The following CSMD2 variants were observed in gnomAD, a reference collection of about 807,000 sequenced individuals.
CSMD2 encodes CUB and Sushi multiple domains 2.
Under a neutral mutation model 398.5 loss-of-function variants are expected in CSMD2, and 130 were observed. That is an observed-to-expected ratio of 0.33 (90% CI 0.28 to 0.38). CSMD2 has a LOEUF of 0.38. CSMD2 is among the 10% of genes least tolerant of loss of function. The pLI is 1.00. For missense variants in CSMD2, 3,829 were observed against 4,764.9 expected (o/e 0.80, Z 5.78); for synonymous variants, 1,828 against 1,908.5 (o/e 0.96, Z 1.10).
intron 49 of CSMD2, among the ~76,000 whole-genome samples, chr1:33,575,885 C>A (rs1410577332): frequency 1.3e-5 from 2 of 152,266 alleles, no homozygotes; most frequent in South Asian, 4.1e-4. Flanking sequence ...TGAGAGATGT[C>A]ATTAAAAAGT....
intron 9 of CSMD2, among the ~76,000 whole-genome samples, chr1:33,817,447 A>G (rs554947157): frequency 1.4e-4 from 21 of 152,208 alleles, no homozygotes; most frequent in Non-Finnish European, 3.1e-4. Context: ...GCTAAAAAAG[A>G]TGAAGGAACC....
At position 33,559,417 on chromosome 1, in the gene CSMD2, A is replaced by T; in HGVS notation, c.8437T>A (p.Phe2813Ile). 6.5e-7 allele frequency: 1 copy of T among 1,536,152 alleles called. No homozygotes were observed. Among genetic ancestry groups the T allele is most frequent in the Non-Finnish European group, 8.7e-7 (1 of 1,146,888 alleles). Residue 2813 changes from phenylalanine (F) to isoleucine (I), a missense_variant, in exon 54 of 71, where the codon TTT (phenylalanine) becomes ATT (isoleucine). By Grantham distance (21) the Phe-to-Ile change is conservative. This residue lies in a region of CSMD2 where 917 missense variants were observed against 1,199.5 expected (regional missense o/e 0.76). Transcript: ENST00000373381. The surrounding 1 kb of genome is among the most constrained non-coding windows in gnomAD (Gnocchi z 4.0). ...PVNGLTQGNQ[F>I]NLNDVVKFVC... ...AACTTGACCACATCGTTGAGGTTAA[A>T]CTGGTTACCCTGAGTGAGGCCGTTG... is the stretch of plus-strand genomic sequence containing the variant.
chr1:33,588,989 T>C lies in CSMD2; in HGVS notation c.6857-1821A>G, dbSNP rs556871598. Among the ~76,000 whole-genome samples, 4 of 152,354 alleles carry C rather than the reference T, an allele frequency of 2.6e-5. No homozygotes were observed. In the South Asian group the frequency reaches 8.3e-4, roughly 32 times the overall value. ...CTGTAGTTGGAATGCAGCTTGAGAC[T>C]TTCCCTGCATATAGATTTATTGAAA... On this transcript the variant is annotated intron_variant, in intron 44 of 70. Coordinates refer to ENST00000373381, the MANE Select transcript of CSMD2 (RefSeq NM_001281956.2).
At chr1:34,032,461 C>G (rs1380174159) in intron 3 of CSMD2, 133 bp downstream of exon 3, 1 of 559,582 alleles carries the variant, frequency 1.8e-6, no homozygotes, top group Non-Finnish European at 3.0e-6. Flanking sequence ...TGGTTAGTAA[C>G]CAGCCTTGTC....
chr1:33,963,697 A>G (rs986925956), intron 3 of CSMD2, among the ~76,000 whole-genome samples: 2 of 152,214 alleles, frequency 1.3e-5, no homozygotes, highest in Admixed American at 1.3e-4. Flanking sequence ...TCCACTCAGG[A>G]TAGTTCACTT....
chr1:33,877,367 C>G (rs557850474), intron 5 of CSMD2, among the ~76,000 whole-genome samples: 2 of 152,322 alleles, frequency 1.3e-5, no homozygotes, highest in South Asian at 4.1e-4. Context: ...CCTTGTCCCA[C>G]TGGACTTGTC....
chr1:33,711,559 T>C (rs1645990701), intron 21 of CSMD2, among the ~76,000 whole-genome samples: 1 of 152,210 alleles, frequency 6.6e-6, no homozygotes, highest in African/African-American at 2.4e-5. Flanking sequence ...TGCTTCCATT[T>C]GGAACCCTAA....
chr1:33,864,324 T>G (rs1558021700), intron 5 of CSMD2: 1 of 1,613,854 alleles, frequency 6.2e-7, no homozygotes, highest in East Asian at 2.2e-5. Flanking sequence ...CTCTAGAAAG[T>G]GTTCGGAAAA....
chr1:33,662,693 T>G (rs962043727), intron 26 of CSMD2, among the ~76,000 whole-genome samples, 197 bp downstream of exon 26: 1 of 152,216 alleles, frequency 6.6e-6, no homozygotes, highest in Non-Finnish European at 1.5e-5. Context: ...ATGTGTCTAT[T>G]AACCCACCTG....
chr1:34,000,606 A>G (rs966579336), intron 3 of CSMD2, among the ~76,000 whole-genome samples: 8 of 152,184 alleles, frequency 5.3e-5, no homozygotes, highest in Admixed American at 4.6e-4. Flanking sequence ...AAAGGGAGAG[A>G]TAATTAGTAG....
chr1:34,146,273 C>T (rs879734409), intron 1 of CSMD2, among the ~76,000 whole-genome samples: 1 of 152,184 alleles, frequency 6.6e-6, no homozygotes. Flanking sequence ...TTCCCTTTGA[C>T]CATTATTCTA....
chr1:33,762,261 G>C (rs1649917185), intron 13 of CSMD2, among the ~76,000 whole-genome samples: 1 of 152,242 alleles, frequency 6.6e-6, no homozygotes, highest in African/African-American at 2.4e-5. Flanking sequence ...AACAGACCCT[G>C]GCTGGGGAAA....
chr1:33,759,776 T>C (rs1401920153), intron 13 of CSMD2, among the ~76,000 whole-genome samples: 3 of 152,222 alleles, frequency 2.0e-5, no homozygotes, highest in Non-Finnish European at 4.4e-5. Flanking sequence ...GTCTTTGGCA[T>C]GTTAGGGTAC....
At chr1:33,532,666 T>A (rs1460671583) in intron 64 of CSMD2, among the ~76,000 whole-genome samples, 1 of 152,122 alleles carries the variant, frequency 6.6e-6, no homozygotes, top group Non-Finnish European at 1.5e-5. Context: ...AACGAGTGAA[T>A]GAAGAAGAGG....
At chr1:33,816,851 T>G (rs1444794653) in intron 9 of CSMD2, among the ~76,000 whole-genome samples, 2 of 152,240 alleles carry the variant, frequency 1.3e-5, no homozygotes, top group Middle Eastern at 3.2e-3. Context: ...GAACCTATTA[T>G]TTGCCAGGCC....
chr1:34,159,335 C>CG (rs1553123897), intron 1 of CSMD2, among the ~76,000 whole-genome samples: 20 of 81,134 alleles, frequency 2.5e-4, no homozygotes, highest in South Asian at 4.4e-4. Flanking sequence ...CCTGCCCCCC[C>CG]CCCACCCAGG....
chr1:34,023,942 C>A (rs1649284562), intron 3 of CSMD2, among the ~76,000 whole-genome samples: 1 of 151,740 alleles, frequency 6.6e-6, no homozygotes, highest in African/African-American at 2.4e-5. Flanking sequence ...CATCTCTGTG[C>A]CAGGCACTTG....
At chr1:34,103,588 T>C (rs917350908) in intron 1 of CSMD2, among the ~76,000 whole-genome samples, 7 of 152,052 alleles carry the variant, frequency 4.6e-5, no homozygotes, top group South Asian at 2.1e-4. Flanking sequence ...AGCCACTGCG[T>C]CCGACCCTCC....
intron 10 of CSMD2, among the ~76,000 whole-genome samples, chr1:33,806,125 T>C (rs547045771): frequency 2.0e-5 from 3 of 152,258 alleles, no homozygotes. Flanking sequence ...ACGATACTTC[T>C]GAAAGAGTTG....
Sources: allele counts gnomAD v4.1 joint callset (sites outside exome capture counted in the v4.1 genomes callset), GRCh38; gene constraint gnomAD v4.1.1; regional missense constraint gnomAD v4.1.1; non-coding constraint Gnocchi (gnomAD v3.1); transcripts MANE v1.5; gene names NCBI Gene and HGNC (gene_info 2026-07-23, HGNC 2026-07-21).